The following TLE1 variants were observed in gnomAD, a reference collection of about 807,000 sequenced individuals.
The protein encoded by TLE1 is TLE family member 1, transcriptional corepressor, also known as transducin-like enhancer protein 1.
Under a neutral mutation model 89.8 loss-of-function variants are expected in TLE1, and 21 were observed. The ratio of observed to expected loss-of-function variants is 0.23; its 90% CI spans 0.17 to 0.34. TLE1 has a LOEUF of 0.34. TLE1 is among the 10% of genes least tolerant of loss of function. The probability of loss-of-function intolerance (pLI) is 1.00; values close to 1 mark genes in which losing one functional copy is unlikely to be tolerated. For missense variants in TLE1, 795 were observed against 1,031.2 expected (o/e 0.77, Z 3.14); for synonymous variants, 447 against 407.6 (o/e 1.10, Z -1.16).
chr9:81,592,874 T>G (rs888702749), intron 15 of TLE1, 151 bp downstream of exon 15: 4 of 1,096,546 alleles, frequency 3.6e-6, no homozygotes, highest in Non-Finnish European at 5.0e-6. Context: ...CGCATTTAAA[T>G]GGGGAGCCGA....
intron 6 of TLE1, among the ~76,000 whole-genome samples, chr9:81,634,597 C>G (rs757562634): frequency 1.3e-5 from 2 of 152,120 alleles, no homozygotes; most frequent in African/African-American, 4.8e-5. Context: ...TCACTCACTC[C>G]GAGAGGGGAG....
intron 4 of TLE1, among the ~76,000 whole-genome samples, chr9:81,684,138 C>A (rs1424451990): frequency 5.4e-5 from 8 of 148,958 alleles, no homozygotes; most frequent in African/African-American, 2.0e-4. Flanking sequence ...AAGTGCCCTT[C>A]AGAGTAAATT....
intron 8 of TLE1, among the ~76,000 whole-genome samples, chr9:81,632,038 C>T (rs1054523859): frequency 9.2e-5 from 14 of 152,066 alleles, no homozygotes; most frequent in South Asian, 2.1e-4. Flanking sequence ...TGCAGTGAGC[C>T]GAGATAGTGC....
chr9:81,652,142 A>G, intron 6 of TLE1, 72 bp downstream of exon 6: 1 of 1,041,722 alleles, frequency 9.6e-7, no homozygotes, highest in Non-Finnish European at 1.4e-6. Flanking sequence ...CACACACGTA[A>G]AGCCATCAAA....
chr9:81,611,982 CAT>C (rs1392009315), intron 12 of TLE1, 23 bp from the exon 13 acceptor site: 1 of 1,424,394 alleles, frequency 7.0e-7, no homozygotes, highest in Non-Finnish European at 9.2e-7. Flanking sequence ...ACAAGCCGCA[CAT>C]CATTCAACTG....
At chr9:81,644,569 A>G (rs1364665034) in intron 6 of TLE1, among the ~76,000 whole-genome samples, 1 of 152,210 alleles carries the variant, frequency 6.6e-6, no homozygotes, top group Non-Finnish European at 1.5e-5. Flanking sequence ...GGGAGGAGAC[A>G]TGAAGAATAA....
intron 4 of TLE1, among the ~76,000 whole-genome samples, chr9:81,673,128 C>T (rs1356153482): frequency 6.6e-6 from 1 of 152,014 alleles, no homozygotes; most frequent in Non-Finnish European, 1.5e-5. Flanking sequence ...CAAAAATCAG[C>T]TGGGCATGGT....
rs143997606 is a variant in TLE1 at position 81,631,200 on chromosome 9, T to C, written c.594+2148A>G. The stretch of plus-strand genomic sequence containing the variant: ...TGCCTGTAACTCAAGAACTGCTTCA[T>C]ACTTCTTGAAGGGGACAACCAATAA... On this transcript the variant is annotated intron_variant, in intron 8 of 19. Transcript: ENST00000376499. 2.6e-5 allele frequency among the ~76,000 whole-genome samples: 4 copies of C among 152,362 alleles called. No individual in the cohort carries two copies. In the East Asian group the frequency reaches 7.7e-4, roughly 29 times the overall value.
chr9:81,655,831 C>T (rs968987131), intron 4 of TLE1, among the ~76,000 whole-genome samples: 1 of 142,732 alleles, frequency 7.0e-6, no homozygotes, highest in African/African-American at 2.7e-5. Flanking sequence ...CCAGCCAAGG[C>T]GACAGAGCAA....
chr9:81,650,737 G>T (rs1300476112), intron 6 of TLE1, among the ~76,000 whole-genome samples: 1 of 152,124 alleles, frequency 6.6e-6, no homozygotes, highest in Non-Finnish European at 1.5e-5. Context: ...GCCTGGATCT[G>T]GGGGGAAGAG....
chr9:81,632,678 T>C (rs994924363), intron 8 of TLE1, among the ~76,000 whole-genome samples: 4 of 152,140 alleles, frequency 2.6e-5, no homozygotes, highest in Non-Finnish European at 4.4e-5. Context: ...AATGTACACA[T>C]GAAAAATGAG....
At position 81,651,347 on chromosome 9, in the gene TLE1, C is replaced by T. The variant is rs192467664; in HGVS notation, c.372+867G>A. 2.1e-3 allele frequency among the ~76,000 whole-genome samples: 313 copies of T among 152,190 alleles called. 4 individuals are homozygous for T. Among genetic ancestry groups the T allele is most frequent in the Admixed American group, 2.8e-3 (43 of 15,284 alleles). ...CCATCCCAGGTCCTGCAGTGGGGGG[C>T]GGAGGATGAACTCATGCAGGGGATG... On this transcript the variant is annotated intron_variant, in intron 6 of 19. Transcript: ENST00000376499.
chr9:81,666,238 G>T (rs887268726), intron 4 of TLE1, among the ~76,000 whole-genome samples: 2 of 152,030 alleles, frequency 1.3e-5, no homozygotes, highest in African/African-American at 4.8e-5. Flanking sequence ...TCCAAACTCC[G>T]CAGAGTGAAT....
rs570110300 is a variant in TLE1 at position 81,646,372 on chromosome 9, T to A, written c.372+5842A>T. Reference sequence around the variant, plus strand: ...CGGAAATTTAATAAAAGGGCTAGAGTGTTGGAATTTAAGTAGAGAGTACGT... The same window carrying A: ...CGGAAATTTAATAAAAGGGCTAGAGAGTTGGAATTTAAGTAGAGAGTACGT... On this transcript the variant is annotated intron_variant, in intron 6 of 19. Transcript: ENST00000376499. Among the ~76,000 whole-genome samples the A allele has an allele frequency of 3.9e-5, 6 of 152,270 alleles. No homozygotes were observed. The East Asian group carries it at 1.2e-3, about 29-fold the overall frequency.
rs929545363 is a variant in TLE1, at chr9:81,688,442, C to G, written c.-202G>C. On this transcript the variant is annotated 5_prime_UTR_variant, in exon 1 of 20. Transcript: ENST00000376499. ...GCTCCCGCTCCCGTCGGTGCGGGCT[C>G]CGGCCCTCAGGGCCACATTAGTGGG... The G allele has an allele frequency of 1.7e-5, 9 of 524,540 alleles. No homozygotes were observed. The highest frequency in any genetic ancestry group is 4.1e-5 in the African/African-American group (2 of 49,138). 32.5% of individuals were successfully genotyped at this position (524,540 alleles called of 1,614,324 possible).
intron 4 of TLE1, among the ~76,000 whole-genome samples, chr9:81,654,323 G>A (rs1479042610): frequency 6.6e-6 from 1 of 152,064 alleles, no homozygotes; most frequent in East Asian, 1.9e-4. Context: ...TTAATATGGT[G>A]ACTATATATA....
At chr9:81,663,685 C>CA (rs1447821529) in intron 4 of TLE1, among the ~76,000 whole-genome samples, 3 of 150,152 alleles carry the variant, frequency 2.0e-5, no homozygotes, top group African/African-American at 7.4e-5. Flanking sequence ...TGCAGTGGCG[C>CA]AATCTCGGCT....
At chr9:81,633,023 A>G (rs1459704980) in intron 8 of TLE1, among the ~76,000 whole-genome samples, 1 of 152,230 alleles carries the variant, frequency 6.6e-6, no homozygotes, top group Non-Finnish European at 1.5e-5. Flanking sequence ...TGCAACCATT[A>G]ACACTTTTAA....
intron 8 of TLE1, among the ~76,000 whole-genome samples, chr9:81,622,842 T>G (rs560218411): frequency 6.6e-6 from 1 of 152,230 alleles, no homozygotes; most frequent in African/African-American, 2.4e-5. Context: ...GAGTGTGGGC[T>G]GGAAAGGCCC....
Sources: gnomAD v4.1 joint callset for allele counts (sites outside exome capture counted in the v4.1 genomes callset) on GRCh38, gnomAD v4.1.1 for gene constraint, MANE v1.5 for transcripts, NCBI Gene and HGNC (gene_info 2026-07-23, HGNC 2026-07-21) for gene names.